The following LIPA variants were observed in gnomAD, a reference collection of about 807,000 sequenced individuals.
LIPA encodes lysosomal acid lipase/cholesteryl ester hydrolase.
LIPA carries 26 observed loss-of-function variants against 40.6 expected under a neutral mutation model. That is an observed-to-expected ratio of 0.64 (90% CI 0.47 to 0.89). The LOEUF (loss-of-function observed/expected upper bound fraction) is 0.89, where lower values mean the gene tolerates loss of function less well. Among genes scored for constraint, LIPA ranks in the 40% least tolerant of loss-of-function variants. The pLI is 0.00. For missense variants in LIPA, 455 were observed against 479.6 expected, an observed-to-expected ratio of 0.95 and a Z score of 0.48; for synonymous variants, 188 against 168.4, an observed-to-expected ratio of 1.12 and a Z score of -0.90.
rs936873826 is a variant in LIPA at position 89,324,894 on chromosome 10, A to G, written c.-2+17717T>C. On this transcript the variant is annotated intron_variant, in intron 1 of 5. Transcript: ENST00000282673. ...ATGGATGCATTGTATTCCATGGTGC[A>G]TATGTGCCACATTTTCTTTACCCAG... 3.3e-5 allele frequency among the ~76,000 whole-genome samples: 5 copies of G among 152,318 alleles called. No homozygotes were observed. The East Asian group carries it at 7.7e-4, about 23-fold the overall frequency.
intron 2 of LIPA, among the ~76,000 whole-genome samples, chr10:89,354,199 TGATCAAAGATCCAAAA>T (rs1184365308): frequency 1.3e-5 from 2 of 152,206 alleles, no homozygotes; most frequent in Non-Finnish European, 2.9e-5. Flanking sequence ...AGTGAAAGGC[TGATCAAAGATCCAAAA>T]GAATGCAACC....
At chr10:89,227,625 G>A (rs1262637507) in intron 4 of LIPA, among the ~76,000 whole-genome samples, 4 of 152,326 alleles carry the variant, frequency 2.6e-5, no homozygotes, top group South Asian at 2.1e-4. Flanking sequence ...TGCGCATGTT[G>A]CCACTGGCAG....
At chr10:89,403,845 C>T (rs2133635186) in intron 2 of LIPA, 2 of 606,728 alleles carry the variant, frequency 3.3e-6, no homozygotes, top group South Asian at 4.7e-5. Flanking sequence ...ATAAATCTGA[C>T]AAAATATTAG....
intron 2 of LIPA, among the ~76,000 whole-genome samples, chr10:89,390,802 T>A (rs1296463972): frequency 6.6e-6 from 1 of 152,216 alleles, no homozygotes; most frequent in African/African-American, 2.4e-5. Flanking sequence ...TTTGTTCATA[T>A]CTCTGCATGC....
chr10:89,402,009 C>A (rs1309335741), intron 2 of LIPA, among the ~76,000 whole-genome samples: 1 of 152,094 alleles, frequency 6.6e-6, no homozygotes. Context: ...CTCACCAAAC[C>A]CAGTGTGATA....
intron 1 of LIPA, among the ~76,000 whole-genome samples, chr10:89,327,418 G>T (rs907604447): frequency 6.6e-6 from 1 of 152,112 alleles, no homozygotes; most frequent in Non-Finnish European, 1.5e-5. Context: ...GGGCATGGTG[G>T]TGGGTGCCTG....
intron 8 of LIPA, among the ~76,000 whole-genome samples, chr10:89,218,188 T>C (rs1312478377): frequency 6.6e-6 from 1 of 152,238 alleles, no homozygotes; most frequent in Non-Finnish European, 1.5e-5. Flanking sequence ...GTAAACGGGT[T>C]CAACTTTTCT....
At chr10:89,412,809 G>C (rs1470715921) in exon 2 of LIPA, 6 of 413,582 alleles carry the variant, frequency 1.5e-5, no homozygotes, top group South Asian at 5.1e-5. Flanking sequence ...AGAAACTCCA[G>C]ACACATCTGA....
At chr10:89,402,901 C>T (rs759318797) in intron 2 of LIPA, 1 of 1,614,212 alleles carries the variant, frequency 6.2e-7, no homozygotes, top group Non-Finnish European at 8.5e-7. Flanking sequence ...CTAAGGCAGG[C>T]TGTCCGCTTA....
chr10:89,355,055 C>T (rs12251678), intron 2 of LIPA, among the ~76,000 whole-genome samples: 2,555 of 152,232 alleles, frequency 0.017, 37 homozygotes, highest in African/African-American at 0.04. Flanking sequence ...TGCAAAAAAC[C>T]TGAAAAGATG....
At chr10:89,316,267 G>A (rs1475867575) in intron 1 of LIPA, among the ~76,000 whole-genome samples, 1 of 152,212 alleles carries the variant, frequency 6.6e-6, no homozygotes, top group African/African-American at 2.4e-5. Flanking sequence ...GCAGGGCGGG[G>A]CATCGCCTCA....
intron 1 of LIPA, chr10:89,338,609 G>A: frequency 6.6e-7 from 1 of 1,522,168 alleles, no homozygotes; most frequent in Non-Finnish European, 8.9e-7. Flanking sequence ...TGATCACAGG[G>A]TGCAGTGCTT....
At chr10:89,321,216 A>G (rs111785293) in intron 1 of LIPA, among the ~76,000 whole-genome samples, 20 of 152,114 alleles carry the variant, frequency 1.3e-4, no homozygotes, top group Admixed American at 1.2e-3. Flanking sequence ...AAATTGACAA[A>G]TGGGATCTAA....
intron 2 of LIPA, among the ~76,000 whole-genome samples, chr10:89,398,730 A>G (rs1172546874): frequency 6.6e-6 from 1 of 152,200 alleles, no homozygotes; most frequent in South Asian, 2.1e-4. Flanking sequence ...TTAAGGCTGA[A>G]TATTCCATTG....
chr10:89,353,240 C>G (rs1050208777), intron 2 of LIPA, among the ~76,000 whole-genome samples: 4 of 152,188 alleles, frequency 2.6e-5, no homozygotes, highest in African/African-American at 9.7e-5. Context: ...CAAGTAAGAT[C>G]TCAGGAGTTG....
chr10:89,398,659 T>C (rs1317882714), intron 2 of LIPA, among the ~76,000 whole-genome samples: 1 of 152,252 alleles, frequency 6.6e-6, no homozygotes, highest in Non-Finnish European at 1.5e-5. Context: ...CTTATTTCAC[T>C]TAACATAATA....
rs145800463 is a variant in LIPA, at chr10:89,317,411, T to C, written c.-2+25200A>G. 3.4e-3 allele frequency among the ~76,000 whole-genome samples: 525 copies of C among 152,276 alleles called. 6 individuals carry two copies. The highest frequency in any genetic ancestry group is 8.5e-3 in the South Asian group (41 of 4,826). The stretch of plus-strand genomic sequence containing the variant: ...GCTGAAAACCATGGCATGAGAACTA[T>C]ATGACGCATGCACAACCTTCAGTAG... On this transcript the variant is annotated intron_variant, in intron 1 of 5. Transcript: ENST00000282673.
At chr10:89,315,899 T>C (rs1488619690) in intron 1 of LIPA, among the ~76,000 whole-genome samples, 1 of 152,148 alleles carries the variant, frequency 6.6e-6, no homozygotes, top group Non-Finnish European at 1.5e-5. Flanking sequence ...TGGGGGACAA[T>C]TTACTGGACA....
At chr10:89,408,940 T>G (rs560853492) in intron 2 of LIPA, among the ~76,000 whole-genome samples, 1 of 151,844 alleles carries the variant, frequency 6.6e-6, no homozygotes, top group South Asian at 2.1e-4. Context: ...GGGACTGGAG[T>G]CGTAAACATC....
Sources: gnomAD v4.1 joint callset for allele counts (sites outside exome capture counted in the v4.1 genomes callset) on GRCh38, gnomAD v4.1.1 for gene constraint, MANE v1.5 for transcripts, NCBI Gene and HGNC (gene_info 2026-07-23, HGNC 2026-07-21) for gene names.